Variants in PTPRK observed in about 807,000 individuals in gnomAD.
The protein encoded by PTPRK is protein tyrosine phosphatase receptor type K, also known as receptor-type tyrosine-protein phosphatase kappa.
In PTPRK, 75 loss-of-function variants were observed where a neutral mutation model predicts 178.0. That is an observed-to-expected ratio of 0.42 (90% CI 0.35 to 0.51). PTPRK has a LOEUF of 0.51. Ranked by LOEUF, PTPRK falls within the 20% of genes least tolerant of loss-of-function variation. The pLI is 0.02. For synonymous variants in PTPRK, 637 were observed against 620.6 expected (o/e 1.03, Z -0.39); for missense variants, 1,441 against 1,797.8 (o/e 0.80, Z 3.59).
intron 1 of PTPRK, among the ~76,000 whole-genome samples, chr6:128,490,197 T>C (rs1337577581): frequency 2.0e-5 from 3 of 152,206 alleles, no homozygotes; most frequent in Non-Finnish European, 4.4e-5. Flanking sequence ...ACAAAAGCAT[T>C]CTTTTACTGA....
chr6:128,233,084 T>C (rs1812575991), intron 5 of PTPRK, among the ~76,000 whole-genome samples: 1 of 152,258 alleles, frequency 6.6e-6, no homozygotes, highest in African/African-American at 2.4e-5. Flanking sequence ...AAATTATCTT[T>C]TTTTTCCTAA....
chr6:128,315,895 A>G (rs1333151640), intron 3 of PTPRK, among the ~76,000 whole-genome samples: 2 of 152,198 alleles, frequency 1.3e-5, no homozygotes. Context: ...GTGAAGAAAA[A>G]TAAGTCTTTG....
chr6:128,066,895 A>G (rs1781871406), intron 12 of PTPRK, among the ~76,000 whole-genome samples: 2 of 152,124 alleles, frequency 1.3e-5, no homozygotes, highest in Admixed American at 1.3e-4. Flanking sequence ...TTCAAAAACA[A>G]CTGTGTCCAA....
chr6:128,354,486 C>T (rs1403964601), intron 2 of PTPRK, among the ~76,000 whole-genome samples: 6 of 151,920 alleles, frequency 3.9e-5, no homozygotes, highest in South Asian at 4.1e-4. Flanking sequence ...CTGCCCGCCT[C>T]GGCCTCCCAA....
chr6:128,386,085 T>C (rs914896891), intron 2 of PTPRK, among the ~76,000 whole-genome samples: 2 of 152,186 alleles, frequency 1.3e-5, no homozygotes, highest in Non-Finnish European at 2.9e-5. Context: ...TTTATCTTGA[T>C]TTAATTTTAA....
intron 7 of PTPRK, among the ~76,000 whole-genome samples, chr6:128,121,626 T>A (rs889534796): frequency 6.6e-6 from 1 of 152,048 alleles, no homozygotes. Flanking sequence ...CTATTTTGCA[T>A]ATGAAACTAA....
At chr6:128,374,830 G>GGC (rs1236102973) in intron 2 of PTPRK, among the ~76,000 whole-genome samples, 2 of 151,876 alleles carry the variant, frequency 1.3e-5, no homozygotes. Context: ...TATACAATCA[G>GGC]TCCCCTATTA....
chr6:128,334,914 CCT>C (rs1830716181), intron 2 of PTPRK, among the ~76,000 whole-genome samples: 1 of 152,032 alleles, frequency 6.6e-6, no homozygotes, highest in African/African-American at 2.4e-5. Context: ...ATGGTGAAAC[CCT>C]GTCTCTACTA....
At chr6:128,173,816 C>A (rs1046289393) in intron 7 of PTPRK, among the ~76,000 whole-genome samples, 1 of 151,988 alleles carries the variant, frequency 6.6e-6, no homozygotes, top group Admixed American at 6.6e-5. Context: ...GAAGTAGCAG[C>A]CTTCTAATCT....
intron 2 of PTPRK, among the ~76,000 whole-genome samples, chr6:128,353,930 A>C (rs1833546157): frequency 6.6e-6 from 1 of 152,230 alleles, no homozygotes. Context: ...AAGTTGTGAT[A>C]ATGTACTACA....
At chr6:128,213,345 G>C (rs532958700) in intron 6 of PTPRK, among the ~76,000 whole-genome samples, 1 of 152,064 alleles carries the variant, frequency 6.6e-6, no homozygotes, top group African/African-American at 2.4e-5. Flanking sequence ...TTAAATATGA[G>C]AGATTTGGAG....
intron 1 of PTPRK, among the ~76,000 whole-genome samples, chr6:128,427,808 T>G (rs762585969): frequency 7.9e-5 from 12 of 152,046 alleles, no homozygotes; most frequent in Non-Finnish European, 1.6e-4. Context: ...AACAAAATGT[T>G]TGGGCCAGGT....
At chr6:128,027,078 T>G (rs1011400840) in intron 13 of PTPRK, among the ~76,000 whole-genome samples, 1 of 152,236 alleles carries the variant, frequency 6.6e-6, no homozygotes, top group Non-Finnish European at 1.5e-5. Flanking sequence ...ACATATATCC[T>G]AATTAGCAAC....
intron 13 of PTPRK, among the ~76,000 whole-genome samples, chr6:128,013,275 T>C (rs1779243453): frequency 6.6e-6 from 1 of 151,444 alleles, no homozygotes; most frequent in African/African-American, 2.4e-5. Flanking sequence ...CAGGGACCTA[T>C]GCCTCTTGAC....
intron 3 of PTPRK, among the ~76,000 whole-genome samples, chr6:128,285,032 T>C (rs1822244225): frequency 6.6e-6 from 1 of 152,190 alleles, no homozygotes; most frequent in Admixed American, 6.5e-5. Flanking sequence ...TTATTATTTC[T>C]CAGTTTACAT....
rs546209310 is a variant in PTPRK at position 128,453,009 on chromosome 6, A to G, written c.101-55321T>C. Among the ~76,000 whole-genome samples, 51 of 152,322 alleles carry G rather than the reference A, an allele frequency of 3.3e-4. 1 individual carries two copies. The highest frequency in any genetic ancestry group is 2.4e-3 in the Admixed American group (36 of 15,288). ...CCTTAAGCCTATTTCCTCAGAGTTA[A>G]TAACAGCTGACCTGCAGATTTAGCG... On this transcript the variant is annotated intron_variant, in intron 1 of 29. Coordinates refer to ENST00000368226, the MANE Select transcript of PTPRK (RefSeq NM_002844.4).
chr6:128,348,826 C>G (rs1028664706), intron 2 of PTPRK, among the ~76,000 whole-genome samples: 1 of 151,960 alleles, frequency 6.6e-6, no homozygotes, highest in African/African-American at 2.4e-5. Context: ...AATCAAACTT[C>G]CTGTTGAACA....
At chr6:128,518,756 C>T (rs545265457) in intron 1 of PTPRK, among the ~76,000 whole-genome samples, 39 of 152,286 alleles carry the variant, frequency 2.6e-4, no homozygotes, top group East Asian at 1.9e-4. Flanking sequence ...AGCTGTTACC[C>T]TCTGCGTACA....
intron 3 of PTPRK, among the ~76,000 whole-genome samples, chr6:128,291,277 A>G (rs1356935598): frequency 1.3e-5 from 2 of 152,136 alleles, no homozygotes; most frequent in Admixed American, 1.3e-4. Context: ...GAAGGTGGGT[A>G]GATGGCCTTC....
Sources: allele counts gnomAD v4.1 joint callset (sites outside exome capture counted in the v4.1 genomes callset), GRCh38; gene constraint gnomAD v4.1.1; transcripts MANE v1.5; gene names NCBI Gene and HGNC (gene_info 2026-07-23, HGNC 2026-07-21).